Variants in HOATZ observed in about 807,000 individuals in gnomAD.
HOATZ encodes the protein cilia- and flagella-associated protein HOATZ.
HOATZ carries 26 observed loss-of-function variants against 24.9 expected under a neutral mutation model. The observed-to-expected ratio is 1.04, with a 90% CI of 0.76 to 1.45. The LOEUF (loss-of-function observed/expected upper bound fraction) is 1.45, where lower values mean the gene tolerates loss of function less well. Among genes scored for constraint, HOATZ ranks in the 40% most tolerant of loss-of-function variants. HOATZ has a pLI of 0.00. For synonymous variants in HOATZ, 83 were observed against 76.6 expected, an observed-to-expected ratio of 1.08 and a Z score of -0.43; for missense variants, 226 against 201.5, an observed-to-expected ratio of 1.12 and a Z score of -0.74.
chr11:111,516,553 A>T lies in HOATZ; in HGVS notation c.339+443A>T, dbSNP rs868073878. Among the ~76,000 whole-genome samples, 1,475 of 152,168 alleles carry T rather than the reference A, an allele frequency of 9.7e-3. 13 individuals are homozygous for T. The highest frequency in any genetic ancestry group is 0.02 in the Middle Eastern group (6 of 294). Reference sequence around the variant, plus strand: ...GTAAGACCTCTAACTCTACAAAAAAAAAAAAAATTTTTAATTTGCCAGGCC... The same window carrying T: ...GTAAGACCTCTAACTCTACAAAAAATAAAAAAATTTTTAATTTGCCAGGCC... On this transcript the variant is annotated intron_variant, in intron 3 of 5. Coordinates refer to ENST00000375618, the MANE Select transcript of HOATZ (RefSeq NM_001100388.2).
At position 111,533,813 on chromosome 11, in the gene HOATZ, C is replaced by A; in HGVS notation, c.399+8C>A. 3.2e-6 allele frequency: 5 copies of A among 1,548,862 alleles called. No individual in the cohort carries two copies. Among genetic ancestry groups the A allele is most frequent in the Non-Finnish European group, 4.3e-6 (5 of 1,155,104 alleles). The stretch of plus-strand genomic sequence containing the variant: ...AGAGAAGAAAGGATCTCGGTGAGAC[C>A]AATAGTGAGGCATTTGGATAATCTA... On this transcript the variant is annotated splice_region_variant and intron_variant, in intron 4 of 5. Coordinates refer to ENST00000375618, the MANE Select transcript of HOATZ (RefSeq NM_001100388.2).
intron 3 of HOATZ, among the ~76,000 whole-genome samples, chr11:111,530,266 G>A (rs1349847862): frequency 6.6e-6 from 1 of 152,196 alleles, no homozygotes; most frequent in Non-Finnish European, 1.5e-5. Context: ...TTACTGCATA[G>A]TTGTGGTGGG....
chr11:111,523,959 C>A (rs181083643), intron 3 of HOATZ, among the ~76,000 whole-genome samples: 1 of 152,310 alleles, frequency 6.6e-6, no homozygotes, highest in Non-Finnish European at 1.5e-5. Flanking sequence ...TGTCATTGCT[C>A]TGTTTCTCCT....
chr11:111,518,005 T>C (rs903427226), intron 3 of HOATZ, among the ~76,000 whole-genome samples: 2 of 152,208 alleles, frequency 1.3e-5, no homozygotes, highest in East Asian at 3.8e-4. Context: ...CTTTCTCCTA[T>C]GCTCTCTCCC....
chr11:111,525,014 G>A, intron 3 of HOATZ: 2 of 357,416 alleles, frequency 5.6e-6, no homozygotes, highest in Admixed American at 7.7e-5. Flanking sequence ...GACTACAGGT[G>A]CACACCATCA....
At chr11:111,535,031 C>T (rs1464077060) in intron 5 of HOATZ, 1 of 152,034 alleles carries the variant, frequency 6.6e-6, no homozygotes, top group Non-Finnish European at 1.5e-5. Context: ...GAAATCTGTC[C>T]GTTTTTGTAT....
intron 3 of HOATZ, among the ~76,000 whole-genome samples, chr11:111,529,954 C>T (rs1867378354): frequency 6.6e-6 from 1 of 152,102 alleles, no homozygotes; most frequent in Non-Finnish European, 1.5e-5. Context: ...CCAACTGACC[C>T]ATAGGTCAGA....
At chr11:111,527,626 A>G (rs1867353432) in intron 3 of HOATZ, among the ~76,000 whole-genome samples, 2 of 152,228 alleles carry the variant, frequency 1.3e-5, no homozygotes, top group Admixed American at 1.3e-4. Context: ...TTTAAAGTGC[A>G]TAGTAGATAA....
chr11:111,534,941 G>GACTAGGAACAGTTT (rs1330282751), intron 5 of HOATZ: 1 of 155,942 alleles, frequency 6.4e-6, no homozygotes, highest in Non-Finnish European at 1.4e-5. Context: ...GTTAGAGCAG[G>GACTAGGAACAGTTT]ACTAGGAACA....
intron 1 of HOATZ, 132 bp from the exon 2 acceptor site, chr11:111,515,379 G>C: frequency 1.4e-6 from 1 of 701,028 alleles, no homozygotes; most frequent in South Asian, 1.8e-5. Context: ...TGAACTTCCT[G>C]GACCTGTGAG....
At chr11:111,516,795 G>C (rs1463258084) in intron 3 of HOATZ, among the ~76,000 whole-genome samples, 1 of 152,196 alleles carries the variant, frequency 6.6e-6, no homozygotes, top group African/African-American at 2.4e-5. Flanking sequence ...TCAGAGGAAT[G>C]AGTCTGTCAT....
At chr11:111,529,891 C>T (rs1324953498) in intron 3 of HOATZ, among the ~76,000 whole-genome samples, 2 of 152,140 alleles carry the variant, frequency 1.3e-5, no homozygotes, top group Non-Finnish European at 2.9e-5. Flanking sequence ...AATAACAAAT[C>T]ATATCTTTAA....
At chr11:111,532,061 C>T (rs551216085) in intron 3 of HOATZ, among the ~76,000 whole-genome samples, 1 of 152,294 alleles carries the variant, frequency 6.6e-6, no homozygotes, top group South Asian at 2.1e-4. Context: ...ATGGACATCA[C>T]CTCCCCTGGG....
At chr11:111,532,513 A>G (rs1345472897) in intron 3 of HOATZ, among the ~76,000 whole-genome samples, 1 of 152,214 alleles carries the variant, frequency 6.6e-6, no homozygotes, top group African/African-American at 2.4e-5. Flanking sequence ...CAACAAAGGC[A>G]AAGATTGGGG....
intron 5 of HOATZ, chr11:111,536,527 C>G: frequency 2.9e-6 from 1 of 343,188 alleles, no homozygotes; most frequent in Non-Finnish European, 5.3e-6. Flanking sequence ...TCTCAGGAGT[C>G]TGACTCTAGA....
chr11:111,522,929 T>C (rs1209600632), intron 3 of HOATZ, among the ~76,000 whole-genome samples: 1 of 152,022 alleles, frequency 6.6e-6, no homozygotes, highest in Non-Finnish European at 1.5e-5. Context: ...CTACTAAAAA[T>C]ACAAAATTAG....
chr11:111,516,071 G>C lies in HOATZ; in HGVS notation c.300G>C (p.Lys100Asn). The C allele has an allele frequency of 6.2e-7, 1 of 1,601,248 alleles. No homozygotes were observed. Among genetic ancestry groups the C allele is most frequent in the Non-Finnish European group, 8.5e-7 (1 of 1,172,830 alleles). Residue 100 changes from lysine (K) to asparagine (N), a missense_variant, in exon 3 of 6, where the codon AAG (lysine) becomes AAC (asparagine). Physicochemically the swap from Lys to Asn is moderately conservative, Grantham distance 94. Coordinates refer to ENST00000375618, the MANE Select transcript of HOATZ (RefSeq NM_001100388.2). ...KNRDIFAEAL[K>N]IQESEEKVKY... Reference sequence around the variant, plus strand: ...GAGACATCTTTGCCGAAGCCCTAAAGATACAGGAATCTGAGGAGAAAGTAA... The same window carrying C: ...GAGACATCTTTGCCGAAGCCCTAAACATACAGGAATCTGAGGAGAAAGTAA...
intron 3 of HOATZ, among the ~76,000 whole-genome samples, chr11:111,527,228 A>G (rs1406414648): frequency 6.6e-6 from 1 of 152,240 alleles, no homozygotes; most frequent in Non-Finnish European, 1.5e-5. Flanking sequence ...CTAAGAAAAT[A>G]TATGTAACAG....
Position 111,536,986 on chromosome 11 carries a change from A to G in HOATZ, c.*159A>G, listed in dbSNP as rs1161449162. On this transcript the variant is annotated 3_prime_UTR_variant, in exon 6 of 6. Coordinates refer to ENST00000375618, the MANE Select transcript of HOATZ (RefSeq NM_001100388.2). ...CCAGGAATTTTACCAGTTAGTGAGT[A>G]CTTGTGTTAAAATAAAGAAATAAAG... 5 of 598,890 alleles carry G rather than the reference A, an allele frequency of 8.3e-6. No individual in the cohort carries two copies. Among genetic ancestry groups the G allele is most frequent in the Non-Finnish European group, 1.5e-5 (5 of 335,976 alleles). 37.1% of individuals were successfully genotyped at this position (598,890 alleles called of 1,614,324 possible).
Sources: gnomAD v4.1 joint callset for allele counts (sites outside exome capture counted in the v4.1 genomes callset) on GRCh38, gnomAD v4.1.1 for gene constraint, MANE v1.5 for transcripts, NCBI Gene and HGNC (gene_info 2026-07-23, HGNC 2026-07-21) for gene names.